Variants in EFCAB8 observed in about 807,000 individuals in gnomAD.
EFCAB8 encodes the protein EF-hand calcium binding domain 8.
EFCAB8 carries 100 observed loss-of-function variants against 116.3 expected under a neutral mutation model. The observed-to-expected ratio is 0.86, with a 90% CI of 0.73 to 1.02. The LOEUF is 1.02. Ranked by LOEUF, EFCAB8 falls within the 50% of genes least tolerant of loss-of-function variation. The pLI is 0.00. For missense variants in EFCAB8, 1,320 were observed against 1,416.9 expected, an observed-to-expected ratio of 0.93 and a Z score of 1.10; for synonymous variants, 558 against 567.9, an observed-to-expected ratio of 0.98 and a Z score of 0.25.
At chr20:32,925,105 T>C (rs1367690670) in intron 20 of EFCAB8, among the ~76,000 whole-genome samples, 3 of 152,230 alleles carry the variant, frequency 2.0e-5, no homozygotes, top group Non-Finnish European at 4.4e-5. Flanking sequence ...CTTCCCATTA[T>C]TTCTGTCTGG....
rs77576885 is a variant in EFCAB8 at position 32,955,846 on chromosome 20, C to G, written c.2960-2575C>G. ...TTCTCTATTTTTTGTTAAAAACGAC[C>G]CTTTCAGCCCATCTCTGTTCTTATA... is the stretch of plus-strand genomic sequence containing the variant. On this transcript the variant is annotated intron_variant, in intron 23 of 26. Coordinates refer to ENST00000400522, the MANE Select transcript of EFCAB8 (RefSeq NM_001143967.2). Among the ~76,000 whole-genome samples, 540 of 152,250 alleles carry G rather than the reference C, an allele frequency of 3.5e-3. 22 individuals are homozygous for G. The East Asian group carries it at 0.096, about 27-fold the overall frequency.
intron 5 of EFCAB8, among the ~76,000 whole-genome samples, chr20:32,879,384 T>C (rs1985194387): frequency 6.6e-6 from 1 of 152,198 alleles, no homozygotes; most frequent in Non-Finnish European, 1.5e-5. Context: ...CTCTGCTCAC[T>C]CCTCCTCCTC....
At chr20:32,864,037 C>T (rs1291305354) in intron 2 of EFCAB8, among the ~76,000 whole-genome samples, 2 of 151,738 alleles carry the variant, frequency 1.3e-5, no homozygotes, top group Non-Finnish European at 2.9e-5. Context: ...AGTGCAGTGG[C>T]ATCATCTTGG....
At position 32,961,368 on chromosome 20, in the gene EFCAB8, C is replaced by T. The variant is rs1989146040; in HGVS notation, c.3626C>T (p.Ala1209Val). The T allele has an allele frequency of 6.8e-7, 1 of 1,464,392 alleles. No individual in the cohort carries two copies. The highest frequency in any genetic ancestry group is 9.0e-7 in the Non-Finnish European group (1 of 1,107,028). The allele number at this position is 1,464,392 out of a possible 1,614,324, so 90.7% of individuals were successfully genotyped here. A position where few individuals can be genotyped will look rare whatever the true frequency, so the allele number is the denominator to read the frequency against. Residue 1209 changes from alanine to valine, a missense_variant, in exon 27 of 27, where the codon GCC becomes GTC. By Grantham distance (64) the Ala-to-Val change is moderately conservative. Transcript: ENST00000400522. Reference protein sequence around the residue: ...PSSLLSVTASASRLLDSSLPT... With the variant: ...PSSLLSVTASVSRLLDSSLPT... ...TCCTTGTTATCTGTCACTGCCTCAGCCTCCAGGCTGCTGGACTCCAGCTTG... is the reference window on the plus strand; with the variant it reads ...TCCTTGTTATCTGTCACTGCCTCAGTCTCCAGGCTGCTGGACTCCAGCTTG...
chr20:32,898,770 TGA>T, intron 11 of EFCAB8, 147 bp downstream of exon 11: 1 of 607,210 alleles, frequency 1.6e-6, no homozygotes, highest in East Asian at 2.8e-5. Flanking sequence ...AGCAGCACGG[TGA>T]GAACACAGCA....
chr20:32,898,075 A>G (rs1010693418), intron 10 of EFCAB8, among the ~76,000 whole-genome samples: 4 of 152,004 alleles, frequency 2.6e-5, no homozygotes, highest in Admixed American at 6.6e-5. Flanking sequence ...TTCCTTGAGC[A>G]CTCCACGCTA....
At chr20:32,917,015 C>G in intron 17 of EFCAB8, 1 of 368,524 alleles carries the variant, frequency 2.7e-6, no homozygotes, top group South Asian at 3.9e-5. Context: ...GTCCCCCCCC[C>G]TTTAAACCTT....
At chr20:32,888,798 T>C (rs1448832363) in intron 6 of EFCAB8, among the ~76,000 whole-genome samples, 1 of 152,142 alleles carries the variant, frequency 6.6e-6, no homozygotes. Flanking sequence ...ATGGTGTGGG[T>C]TGATAATCAG....
At chr20:32,871,753 C>CT (rs1317272645) in intron 3 of EFCAB8, among the ~76,000 whole-genome samples, 4 of 152,170 alleles carry the variant, frequency 2.6e-5, no homozygotes, top group African/African-American at 4.8e-5. Flanking sequence ...CCAACTGTCA[C>CT]TGCGTGCCTT....
rs1427029625 is a variant in EFCAB8, at chr20:32,906,623, T to G, written c.1150T>G (p.Phe384Val). ...CTTTGATTACTGCCCAGACAGGAAC[T>G]TCCTGGGTAAGTCACCTTCATGTCA... Reference protein sequence around the residue: ...LCFDYCPDRNFLVTGGYDAFI... With the variant: ...LCFDYCPDRNVLVTGGYDAFI... The change falls in exon 12 of 27, where the codon TTC becomes GTC. Residue 384 changes from phenylalanine (F) to valine (V), a missense_variant. Transcript: ENST00000400522. 1.4e-6 allele frequency: 1 copy of G among 718,200 alleles called. No homozygotes were observed. Among genetic ancestry groups the G allele is most frequent in the Non-Finnish European group, 2.6e-6 (1 of 385,090 alleles). 44.5% of individuals were successfully genotyped at this position (718,200 alleles called of 1,614,324 possible). A position where few individuals can be genotyped will look rare whatever the true frequency, so the allele number is the denominator to read the frequency against.
intron 23 of EFCAB8, among the ~76,000 whole-genome samples, chr20:32,947,179 C>A (rs1988621998): frequency 6.6e-6 from 1 of 152,136 alleles, no homozygotes; most frequent in African/African-American, 2.4e-5. Context: ...TGAAAAATGA[C>A]CAAACTGTTT....
At chr20:32,933,287 A>G (rs1987976625) in intron 22 of EFCAB8, among the ~76,000 whole-genome samples, 1 of 152,200 alleles carries the variant, frequency 6.6e-6, no homozygotes, top group Non-Finnish European at 1.5e-5. Context: ...TATTGTATGT[A>G]ACTGGAATTT....
chr20:32,923,060 G>A (rs538606881), intron 20 of EFCAB8, among the ~76,000 whole-genome samples: 5 of 152,100 alleles, frequency 3.3e-5, no homozygotes, highest in East Asian at 1.9e-4. Flanking sequence ...TAGTGTGCAC[G>A]GTGCACCCAG....
At chr20:32,863,566 G>T (rs1210583292) in intron 1 of EFCAB8, among the ~76,000 whole-genome samples, 1 of 152,188 alleles carries the variant, frequency 6.6e-6, no homozygotes, top group African/African-American at 2.4e-5. Context: ...GGGGAAGAAA[G>T]GCTCAAGTGC....
chr20:32,939,113 CTCTCTTTCTTTCTCTTTCTT>C (rs1362746679), intron 22 of EFCAB8, among the ~76,000 whole-genome samples: 2 of 128,702 alleles, frequency 1.6e-5, no homozygotes, highest in East Asian at 2.4e-4. Context: ...TCCTTTCTTT[CTCTCTTTCTTTCTCTTTCTT>C]TCTTTCTTTC....
chr20:32,954,874 T>C (rs1316704152), intron 23 of EFCAB8, among the ~76,000 whole-genome samples: 1 of 152,242 alleles, frequency 6.6e-6, no homozygotes, highest in Non-Finnish European at 1.5e-5. Context: ...CTTGCATTCC[T>C]GGAGTAAACC....
In EFCAB8 at chr20:32,961,452, C is replaced by G; in HGVS notation, c.3710C>G (p.Ala1237Gly). ...FLLRPQSASTAHSTPSVPSPV... is the reference protein window; with the variant it reads ...FLLRPQSASTGHSTPSVPSPV... ...CTGCGGCCCCAGTCAGCCTCCACAG[C>G]CCATTCCACCCCCTCGGTCCCATCC... Residue 1237 changes from alanine to glycine, a missense_variant, in exon 27 of 27, where the codon GCC (alanine) becomes GGC (glycine). Physicochemically the swap from Ala to Gly is moderately conservative, Grantham distance 60. Transcript: ENST00000400522. 6.9e-7 allele frequency: 1 copy of G among 1,454,806 alleles called. No homozygotes were observed. Among genetic ancestry groups the G allele is most frequent in the Non-Finnish European group, 9.1e-7 (1 of 1,101,154 alleles). 90.1% of individuals were successfully genotyped at this position (1,454,806 alleles called of 1,614,324 possible). A position where few individuals can be genotyped will look rare whatever the true frequency, so the allele number is the denominator to read the frequency against.
intron 3 of EFCAB8, among the ~76,000 whole-genome samples, chr20:32,875,520 T>TTTTTTTTTTTTTA (rs1984924178): frequency 6.9e-6 from 1 of 144,334 alleles, no homozygotes; most frequent in Non-Finnish European, 1.5e-5. Context: ...TTTTTTTTTT[T>TTTTTTTTTTTTTA]GAGACAGAGT....
chr20:32,936,199 A>AT (rs1394912919), intron 22 of EFCAB8, among the ~76,000 whole-genome samples: 1 of 151,580 alleles, frequency 6.6e-6, no homozygotes, highest in Non-Finnish European at 1.5e-5. Flanking sequence ...TGCCTAGCTA[A>AT]TTTTTGTATT....
Sources: allele counts gnomAD v4.1 joint callset (sites outside exome capture counted in the v4.1 genomes callset), GRCh38; gene constraint gnomAD v4.1.1; transcripts MANE v1.5; gene names NCBI Gene and HGNC (gene_info 2026-07-23, HGNC 2026-07-21).